Variants in SLC39A9 observed in about 807,000 individuals in gnomAD.
SLC39A9 encodes the protein zinc transporter ZIP9.
A neutral mutation model predicts 28.4 loss-of-function variants in SLC39A9; 14 were observed. The ratio of observed to expected loss-of-function variants is 0.49; its 90% CI spans 0.33 to 0.77. The LOEUF (loss-of-function observed/expected upper bound fraction) is 0.77. Ranked by LOEUF, SLC39A9 falls within the 30% of genes least tolerant of loss-of-function variation. The pLI is 0.02. For synonymous variants in SLC39A9, 119 were observed against 149.6 expected (o/e 0.80, Z 1.49); for missense variants, 283 against 381.1 (o/e 0.74, Z 2.14).
Position 69,457,403 on chromosome 14 carries a change from A to C in SLC39A9, c.694-960A>C, listed in dbSNP as rs545052078. On this transcript the variant is annotated intron_variant, in intron 6 of 6. Coordinates refer to ENST00000336643, the MANE Select transcript of SLC39A9 (RefSeq NM_018375.5). ...TTTTTAGTAGAGACAGGGTTTCACC[A>C]TGTTGGCCAGGCTGGTCTCGAACTC... Among the ~76,000 whole-genome samples the C allele has an allele frequency of 2.0e-5, 3 of 151,480 alleles. No homozygotes were observed. The South Asian group carries it at 6.3e-4, about 32-fold the overall frequency.
rs1048214032 is a variant in SLC39A9, at chr14:69,459,504, G to C, written c.*911G>C. 5.1e-6 allele frequency: 5 copies of C among 980,712 alleles called. No individual in the cohort carries two copies. Among genetic ancestry groups the C allele is most frequent in the South Asian group, 4.7e-5 (1 of 21,148 alleles). 60.8% of individuals were successfully genotyped at this position (980,712 alleles called of 1,614,324 possible). A position where few individuals can be genotyped will look rare whatever the true frequency, so the allele number is the denominator to read the frequency against. On this transcript the variant is annotated 3_prime_UTR_variant, in exon 7 of 7. Transcript: ENST00000336643. ...TTTTTGGATGGTTATTGATATCTTTGTAGTAGCTTTTTTTAAAAGACTACC... is the reference window on the plus strand; with the variant it reads ...TTTTTGGATGGTTATTGATATCTTTCTAGTAGCTTTTTTTAAAAGACTACC...
intron 1 of SLC39A9, among the ~76,000 whole-genome samples, chr14:69,412,505 T>C (rs1343179968): frequency 2.6e-5 from 4 of 152,176 alleles, no homozygotes; most frequent in Admixed American, 6.5e-5. Flanking sequence ...ATTCTTGATA[T>C]AGTTACAAGG....
intron 1 of SLC39A9, among the ~76,000 whole-genome samples, chr14:69,411,135 C>T (rs1594904475): frequency 1.3e-5 from 2 of 148,386 alleles, no homozygotes; most frequent in East Asian, 3.9e-4. Context: ...TCGCTTGAAC[C>T]TGGAAGGTAG....
intron 1 of SLC39A9, among the ~76,000 whole-genome samples, chr14:69,418,766 T>C (rs993907754): frequency 2.6e-5 from 4 of 152,220 alleles, no homozygotes; most frequent in Non-Finnish European, 5.9e-5. Context: ...AATTTATCCA[T>C]GTCTTCTAGA....
At chr14:69,406,848 G>GTTTTTTTTTT (rs398025544) in intron 1 of SLC39A9, among the ~76,000 whole-genome samples, 6 of 95,904 alleles carry the variant, frequency 6.3e-5, no homozygotes, top group Non-Finnish European at 9.7e-5. Flanking sequence ...GAAATTCTTT[G>GTTTTTTTTTT]TTTTTTTTTT....
intron 2 of SLC39A9, among the ~76,000 whole-genome samples, chr14:69,427,980 T>G (rs1349446628): frequency 6.6e-6 from 1 of 152,032 alleles, no homozygotes; most frequent in Non-Finnish European, 1.5e-5. Context: ...TCATTGATGG[T>G]TTACAAAAAG....
At chr14:69,441,230 A>G (rs1053368714) in intron 2 of SLC39A9, among the ~76,000 whole-genome samples, 3 of 152,174 alleles carry the variant, frequency 2.0e-5, no homozygotes, top group African/African-American at 7.2e-5. Context: ...GCAGTGAGCC[A>G]TAATTGCACC....
Position 69,459,838 on chromosome 14 carries a change from T to C in SLC39A9, c.*1245T>C. 4.1e-6 allele frequency: 4 copies of C among 985,404 alleles called. No homozygotes were observed. The highest frequency in any genetic ancestry group is 4.8e-6 in the Non-Finnish European group (4 of 829,912). The allele number at this position is 985,404 out of a possible 1,614,324, so 61.0% of individuals were successfully genotyped here. On this transcript the variant is annotated 3_prime_UTR_variant, in exon 7 of 7. Coordinates refer to ENST00000336643, the MANE Select transcript of SLC39A9 (RefSeq NM_018375.5). ...AATATTTGTGTGGGATGAATTCTTA[T>C]CAGGACAACCACTTCTCGAACTGTA... is the stretch of plus-strand genomic sequence containing the variant.
At chr14:69,443,389 C>T (rs1885139275) in intron 3 of SLC39A9, among the ~76,000 whole-genome samples, 1 of 152,186 alleles carries the variant, frequency 6.6e-6, no homozygotes, top group Non-Finnish European at 1.5e-5. Context: ...TGAGCATCTG[C>T]AGACAGGAAA....
rs749097670 is a variant in SLC39A9 at position 69,460,209 on chromosome 14, C to T, written c.*1616C>T. The T allele has an allele frequency of 2.0e-6, 2 of 985,802 alleles. No individual in the cohort carries two copies. The highest frequency in any genetic ancestry group is 1.1e-4 in the East Asian group (1 of 8,822). 61.1% of individuals were successfully genotyped at this position (985,802 alleles called of 1,614,324 possible). A position where few individuals can be genotyped will look rare whatever the true frequency, so the allele number is the denominator to read the frequency against. On this transcript the variant is annotated 3_prime_UTR_variant, in exon 7 of 7. Coordinates refer to ENST00000336643, the MANE Select transcript of SLC39A9 (RefSeq NM_018375.5). Reference sequence around the variant, plus strand: ...CAGTGGACGTAGTAGTTTGTAAAAACGTTTTCTATGACGCATAAGCTAGCA... The same window carrying T: ...CAGTGGACGTAGTAGTTTGTAAAAATGTTTTCTATGACGCATAAGCTAGCA...
At position 69,405,474 on chromosome 14, in the gene SLC39A9, G is replaced by T. The variant is rs190991302; in HGVS notation, c.96+6009G>T. 2.0e-5 allele frequency among the ~76,000 whole-genome samples: 3 copies of T among 152,166 alleles called. No individual in the cohort carries two copies. The East Asian group carries it at 5.8e-4, about 29-fold the overall frequency. ...ATTTGTAAATTCTAAGATTTGAGCCGGGCATGGTGGCTTATACCTGTAATC... is the reference window on the plus strand; with the variant it reads ...ATTTGTAAATTCTAAGATTTGAGCCTGGCATGGTGGCTTATACCTGTAATC... On this transcript the variant is annotated intron_variant, in intron 1 of 6. Coordinates refer to ENST00000336643, the MANE Select transcript of SLC39A9 (RefSeq NM_018375.5).
At chr14:69,439,635 G>A (rs1884947013) in intron 2 of SLC39A9, among the ~76,000 whole-genome samples, 1 of 152,150 alleles carries the variant, frequency 6.6e-6, no homozygotes, top group Admixed American at 6.6e-5. Context: ...TCCCAGTGTT[G>A]GAGGCGGGGC....
chr14:69,442,311 T>C, intron 3 of SLC39A9, 45 bp downstream of exon 3: 6 of 1,555,678 alleles, frequency 3.9e-6, no homozygotes, highest in Non-Finnish European at 5.3e-6. Context: ...ACATTTGCAG[T>C]TGAGAAAGTT....
intron 1 of SLC39A9, among the ~76,000 whole-genome samples, chr14:69,401,627 A>C (rs1205002663): frequency 6.6e-6 from 1 of 152,144 alleles, no homozygotes; most frequent in Non-Finnish European, 1.5e-5. Flanking sequence ...TTTTCACTAG[A>C]AGGAAATGTT....
intron 6 of SLC39A9, among the ~76,000 whole-genome samples, chr14:69,456,761 T>C (rs1293962805): frequency 6.6e-6 from 1 of 152,212 alleles, no homozygotes; most frequent in Non-Finnish European, 1.5e-5. Flanking sequence ...CTAAAGGTCA[T>C]TGATTCTTCT....
At chr14:69,457,481 A>G (rs1279102275) in intron 6 of SLC39A9, among the ~76,000 whole-genome samples, 2 of 152,040 alleles carry the variant, frequency 1.3e-5, no homozygotes, top group Non-Finnish European at 2.9e-5. Flanking sequence ...GATTACAGGC[A>G]TGAGCCACCA....
intron 2 of SLC39A9, among the ~76,000 whole-genome samples, chr14:69,439,765 G>A (rs1267614241): frequency 1.3e-5 from 2 of 152,094 alleles, no homozygotes; most frequent in Non-Finnish European, 2.9e-5. Flanking sequence ...GTTTAAAAGA[G>A]CATGGCACCC....
intron 2 of SLC39A9, among the ~76,000 whole-genome samples, chr14:69,431,590 C>G (rs1048213475): frequency 6.8e-6 from 1 of 147,856 alleles, no homozygotes; most frequent in Non-Finnish European, 1.5e-5. Flanking sequence ...ATTTTAGATT[C>G]AGGGGGTACA....
intron 6 of SLC39A9, 105 bp from the exon 7 acceptor site, chr14:69,458,258 A>C: frequency 6.9e-7 from 1 of 1,444,070 alleles, no homozygotes; most frequent in Non-Finnish European, 9.4e-7. Context: ...CCAGTGTCCT[A>C]GACAGCACCA....
Sources: gnomAD v4.1 joint callset for allele counts (sites outside exome capture counted in the v4.1 genomes callset) on GRCh38, gnomAD v4.1.1 for gene constraint, MANE v1.5 for transcripts, NCBI Gene and HGNC (gene_info 2026-07-23, HGNC 2026-07-21) for gene names.